Variants in ECI2 observed in about 807,000 individuals in gnomAD.
The protein encoded by ECI2 is enoyl-CoA delta isomerase 2.
ECI2 carries 27 observed loss-of-function variants against 38.4 expected under a neutral mutation model. The observed-to-expected ratio is 0.70, with a 90% CI of 0.52 to 0.97. ECI2 has a LOEUF of 0.97. Among genes scored for constraint, ECI2 ranks in the 50% least tolerant of loss-of-function variants. The pLI is 0.00. For synonymous variants in ECI2, 168 were observed against 172.0 expected, an observed-to-expected ratio of 0.98 and a Z score of 0.18; for missense variants, 470 against 474.4, an observed-to-expected ratio of 0.99 and a Z score of 0.09.
chr6:4,135,424 G>A, intron 1 of ECI2, 87 bp downstream of exon 1: 2 of 1,605,036 alleles, frequency 1.2e-6, no homozygotes, highest in Non-Finnish European at 1.7e-6. Context: ...AATAGGGAAG[G>A]AGGGTCTTCC....
chr6:4,130,216 C>G, intron 4 of ECI2, 156 bp downstream of exon 4: 1 of 1,613,686 alleles, frequency 6.2e-7, no homozygotes, highest in South Asian at 1.1e-5. Context: ...ATGCTCAACT[C>G]TGTTGTATGA....
intron 7 of ECI2, among the ~76,000 whole-genome samples, chr6:4,123,470 G>A (rs1314120933): frequency 6.6e-6 from 1 of 151,406 alleles, no homozygotes; most frequent in Non-Finnish European, 1.5e-5. Flanking sequence ...GTTTGGTTGG[G>A]TAAACTTTTA....
At chr6:4,120,103 T>C (rs558631402) in intron 7 of ECI2, among the ~76,000 whole-genome samples, 25 of 152,326 alleles carry the variant, frequency 1.6e-4, no homozygotes, top group Non-Finnish European at 2.4e-4. Context: ...ATTCAAATGG[T>C]TGTACCATTT....
chr6:4,123,867 G>T (rs1345233764), intron 7 of ECI2, among the ~76,000 whole-genome samples: 1 of 152,012 alleles, frequency 6.6e-6, no homozygotes, highest in African/African-American at 2.4e-5. Flanking sequence ...GAGGCTGAGT[G>T]GGAGAATCGC....
chr6:4,133,480 C>T (rs1163971375), intron 2 of ECI2, 69 bp downstream of exon 2: 1 of 1,528,836 alleles, frequency 6.5e-7, no homozygotes, highest in African/African-American at 1.4e-5. Flanking sequence ...TTAGTAAACA[C>T]ACAGTGTATT....
At chr6:4,127,373 A>G (rs900300322) in intron 5 of ECI2, among the ~76,000 whole-genome samples, 4 of 139,728 alleles carry the variant, frequency 2.9e-5, no homozygotes, top group Non-Finnish European at 6.2e-5. Flanking sequence ...TATAAATCAG[A>G]GTATGACAGT....
intron 4 of ECI2, among the ~76,000 whole-genome samples, chr6:4,129,112 CCCTT>C (rs111367400): frequency 1.1e-4 from 16 of 147,260 alleles, no homozygotes; most frequent in African/African-American, 1.5e-4. Flanking sequence ...CTCCCTTCCT[CCCTT>C]CCTTCCTTCC....
chr6:4,117,363 G>C lies in ECI2; in HGVS notation c.974C>G (p.Thr325Ser), dbSNP rs377338010. 5 of 1,613,820 alleles carry C rather than the reference G, an allele frequency of 3.1e-6. No homozygotes were observed. The African/African-American group carries it at 5.3e-5, about 17-fold the overall frequency. The stretch of plus-strand genomic sequence containing the variant: ...CCTGGTCCAGACTTCTTTCTGAAAA[G>C]TGCTATCAGGGAAAACTTCAGTAAC... The part of the protein sequence containing the change: ...GLVTEVFPDS[T>S]FQKEVWTRLK... Residue 325 changes from threonine (T) to serine (S), a missense_variant, in exon 9 of 10, where the codon ACT becomes AGT. By Grantham distance (58) the Thr-to-Ser change is moderately conservative (BLOSUM62 1). Transcript: ENST00000380118.
intron 8 of ECI2, 21 bp from the exon 9 acceptor site, chr6:4,117,472 C>G: frequency 6.2e-7 from 1 of 1,608,620 alleles, no homozygotes; most frequent in East Asian, 2.2e-5. Context: ...AAGCAAGAAG[C>G]AAGGTTAAGA....
intron 1 of ECI2, chr6:4,134,992 C>G (rs917892527): frequency 2.6e-6 from 1 of 388,486 alleles, no homozygotes; most frequent in Non-Finnish European, 5.3e-6. Context: ...TTCCCGGGAC[C>G]CCAGGGAGGT....
chr6:4,123,579 T>C (rs1028270698), intron 7 of ECI2, among the ~76,000 whole-genome samples: 3 of 150,152 alleles, frequency 2.0e-5, no homozygotes, highest in African/African-American at 4.9e-5. Flanking sequence ...ATATATAGAA[T>C]AGATATGTTT....
At position 4,130,209 on chromosome 6, in the gene ECI2, C is replaced by T. The variant is rs760888513; in HGVS notation, c.501+163G>A. 19 of 1,613,604 alleles carry T rather than the reference C, an allele frequency of 1.2e-5. No individual in the cohort carries two copies. The Admixed American group carries it at 3.0e-4, about 25-fold the overall frequency. ...ATTCACAAACTCTAAACAATGAATGCTCAACTCTGTTGTATGAAGTAGCCA... is the reference window on the plus strand; with the variant it reads ...ATTCACAAACTCTAAACAATGAATGTTCAACTCTGTTGTATGAAGTAGCCA... On this transcript the variant is annotated intron_variant, in intron 4 of 9. Coordinates refer to ENST00000380118, the MANE Select transcript of ECI2 (RefSeq NM_206836.3).
At chr6:4,116,391 C>T (rs1215771272) in intron 9 of ECI2, among the ~76,000 whole-genome samples, 1 of 151,514 alleles carries the variant, frequency 6.6e-6, no homozygotes, top group Non-Finnish European at 1.5e-5. Flanking sequence ...TGAGATTATT[C>T]TATGATTCTG....
At chr6:4,117,579 G>T in intron 8 of ECI2, 128 bp from the exon 9 acceptor site, 1 of 1,318,964 alleles carries the variant, frequency 7.6e-7, no homozygotes, top group Non-Finnish European at 1.0e-6. Flanking sequence ...TTCTCAGTAA[G>T]GGAGAAGCTG....
intron 4 of ECI2, among the ~76,000 whole-genome samples, chr6:4,129,359 C>T (rs1773386286): frequency 6.6e-6 from 1 of 152,152 alleles, no homozygotes; most frequent in Non-Finnish European, 1.5e-5. Flanking sequence ...AGTGATCTGC[C>T]CACCTTGGCC....
intron 8 of ECI2, 106 bp from the exon 9 acceptor site, chr6:4,117,557 G>A: frequency 6.9e-7 from 1 of 1,448,000 alleles, no homozygotes; most frequent in Non-Finnish European, 9.2e-7. Context: ...GGTCTTTTGA[G>A]GTTGCTGGTA....
intron 4 of ECI2, 96 bp from the exon 5 acceptor site, chr6:4,127,927 AGCAAAGT>A: frequency 8.7e-7 from 1 of 1,145,428 alleles, no homozygotes. Flanking sequence ...GCTTGCTCTC[AGCAAAGT>A]GCCTAACATT....
chr6:4,131,037 T>G, intron 2 of ECI2, 172 bp from the exon 3 acceptor site: 1 of 520,080 alleles, frequency 1.9e-6, no homozygotes, highest in Non-Finnish European at 3.3e-6. Flanking sequence ...TTGCCAAAAA[T>G]GCACAAACAG....
At chr6:4,119,350 TCGCTC>T in intron 7 of ECI2, 75 bp from the exon 8 acceptor site, 1 of 1,209,992 alleles carries the variant, frequency 8.3e-7, no homozygotes, top group Non-Finnish European at 1.2e-6. Flanking sequence ...ACAAAGGGTT[TCGCTC>T]TTTTGCCCAG....
Sources: gnomAD v4.1 joint callset for allele counts (sites outside exome capture counted in the v4.1 genomes callset) on GRCh38, gnomAD v4.1.1 for gene constraint, MANE v1.5 for transcripts, NCBI Gene and HGNC (gene_info 2026-07-23, HGNC 2026-07-21) for gene names.